Variants in RABGAP1L observed in about 807,000 individuals in gnomAD.
The protein encoded by RABGAP1L is RAB GTPase activating protein 1 like.
A neutral mutation model predicts 137.7 loss-of-function variants in RABGAP1L; 63 were observed. The ratio of observed to expected loss-of-function variants is 0.46; its 90% CI spans 0.37 to 0.56. The LOEUF is 0.56. Among genes scored for constraint, RABGAP1L ranks in the 20% least tolerant of loss-of-function variants. The pLI, the probability that RABGAP1L is intolerant of heterozygous loss-of-function variation, is 0.00. For missense variants in RABGAP1L, 1,095 were observed against 1,244.0 expected (o/e 0.88, Z 1.80); for synonymous variants, 431 against 433.7 (o/e 0.99, Z 0.08).
chr1:174,291,110 A>G (rs1002639484), intron 10 of RABGAP1L, among the ~76,000 whole-genome samples: 1 of 152,148 alleles, frequency 6.6e-6, no homozygotes, highest in African/African-American at 2.4e-5. Context: ...GTCTGCCAAT[A>G]AAGGTAGTTT....
In RABGAP1L at chr1:174,461,561, C is replaced by T. The variant is rs148800325; in HGVS notation, c.1710+67416C>T. Among the ~76,000 whole-genome samples the T allele has an allele frequency of 2.0e-5, 3 of 152,228 alleles. No homozygotes were observed. The East Asian group carries it at 5.8e-4, about 29-fold the overall frequency. On this transcript the variant is annotated intron_variant, in intron 13 of 25. Coordinates refer to ENST00000681986, the MANE Select transcript of RABGAP1L (RefSeq NM_001366446.1). ...TTTGTTGAGCCAAGTACAGAGTGCT[C>T]TCTGTATAGTAAGTCATCTATTTCT...
intron 13 of RABGAP1L, among the ~76,000 whole-genome samples, chr1:174,494,708 T>A (rs943774188): frequency 1.3e-5 from 2 of 152,218 alleles, no homozygotes; most frequent in African/African-American, 4.8e-5. Context: ...TTCTCTCATC[T>A]TCTTATACAT....
chr1:174,613,448 A>T (rs996209548), intron 13 of RABGAP1L, among the ~76,000 whole-genome samples: 10 of 152,074 alleles, frequency 6.6e-5, no homozygotes, highest in African/African-American at 2.4e-4. Flanking sequence ...CTGTTCTTTT[A>T]CATTTGCTGA....
intron 19 of RABGAP1L, among the ~76,000 whole-genome samples, chr1:174,839,909 G>A (rs548848919): frequency 1.6e-4 from 24 of 152,316 alleles, no homozygotes; most frequent in African/African-American, 5.8e-4. Flanking sequence ...ACAAGAGTCG[G>A]ATTTCCAGAA....
intron 18 of RABGAP1L, among the ~76,000 whole-genome samples, chr1:174,803,762 C>T (rs1688977729): frequency 6.6e-6 from 1 of 151,706 alleles, no homozygotes; most frequent in Non-Finnish European, 1.5e-5. Context: ...ATATTTCCAC[C>T]CACCCTACCT....
At chr1:174,391,288 G>T (rs540055312) in intron 12 of RABGAP1L, among the ~76,000 whole-genome samples, 1 of 152,278 alleles carries the variant, frequency 6.6e-6, no homozygotes, top group African/African-American at 2.4e-5. Flanking sequence ...GTGTGATGGA[G>T]AATTGCGCAT....
chr1:174,320,384 C>A (rs1287407918), intron 11 of RABGAP1L, among the ~76,000 whole-genome samples: 1 of 152,084 alleles, frequency 6.6e-6, no homozygotes, highest in African/African-American at 2.4e-5. Flanking sequence ...AGCATAATGC[C>A]TTTTAGATTT....
intron 10 of RABGAP1L, 49 bp downstream of exon 10, chr1:174,278,828 C>T: frequency 7.5e-7 from 1 of 1,324,828 alleles, no homozygotes. Context: ...ATTTTTCTTT[C>T]CACACTTCTT....
At chr1:174,457,941 A>T (rs1656228008) in intron 13 of RABGAP1L, among the ~76,000 whole-genome samples, 1 of 152,202 alleles carries the variant, frequency 6.6e-6, no homozygotes, top group Admixed American at 6.5e-5. Flanking sequence ...CATATGATGT[A>T]GGCCTAATAT....
intron 17 of RABGAP1L, 38 bp from the exon 18 acceptor site, chr1:174,752,275 G>C (rs192730007): frequency 7.7e-6 from 11 of 1,434,684 alleles, no homozygotes; most frequent in Middle Eastern, 1.8e-4. Context: ...AGTGATACAT[G>C]TGGCAGTACT....
intron 19 of RABGAP1L, among the ~76,000 whole-genome samples, chr1:174,925,379 A>AC (rs1662591637): frequency 1.4e-5 from 2 of 142,958 alleles, no homozygotes; most frequent in Non-Finnish European, 3.0e-5. Flanking sequence ...AAAAAAAAAA[A>AC]CAGCAAAAAA....
intron 13 of RABGAP1L, among the ~76,000 whole-genome samples, chr1:174,585,084 A>C (rs1669019940): frequency 6.6e-6 from 1 of 152,204 alleles, no homozygotes; most frequent in Admixed American, 6.5e-5. Context: ...AATAGTTTTT[A>C]ATATAGATTA....
At chr1:174,666,847 ACTTT>A (rs954898605) in intron 14 of RABGAP1L, among the ~76,000 whole-genome samples, 2 of 152,088 alleles carry the variant, frequency 1.3e-5, no homozygotes, top group African/African-American at 4.8e-5. Flanking sequence ...AAAACTAAAA[ACTTT>A]CTTTAATAAT....
chr1:174,178,196 G>T (rs991881034), intron 1 of RABGAP1L, among the ~76,000 whole-genome samples: 2 of 152,030 alleles, frequency 1.3e-5, no homozygotes, highest in African/African-American at 4.8e-5. Flanking sequence ...GGTCCTTCAT[G>T]TCCCTTATAA....
chr1:174,262,892 G>T (rs1423985213), intron 7 of RABGAP1L, among the ~76,000 whole-genome samples: 6 of 152,240 alleles, frequency 3.9e-5, no homozygotes, highest in Admixed American at 2.0e-4. Context: ...GACACTGCAG[G>T]AAGATGGGGT....
At chr1:174,241,263 T>A (rs1359032004) in intron 4 of RABGAP1L, among the ~76,000 whole-genome samples, 1 of 152,024 alleles carries the variant, frequency 6.6e-6, no homozygotes, top group Non-Finnish European at 1.5e-5. Context: ...GAGGTTGCAA[T>A]GAGCCAAGAT....
At chr1:174,580,444 T>C (rs1205593789) in intron 13 of RABGAP1L, among the ~76,000 whole-genome samples, 1 of 152,204 alleles carries the variant, frequency 6.6e-6, no homozygotes, top group Non-Finnish European at 1.5e-5. Context: ...TGGAATACTA[T>C]GCAGCCATAA....
intron 18 of RABGAP1L, among the ~76,000 whole-genome samples, chr1:174,786,459 C>T (rs1653632): frequency 0.41 from 61,625 of 151,992 alleles, 15,397 homozygotes; most frequent in Non-Finnish European, 0.54. Flanking sequence ...AAAATCCAAA[C>T]GGAAGCCAAT....
intron 20 of RABGAP1L, 158 bp downstream of exon 20, chr1:174,957,707 A>G (rs770909564): frequency 1.1e-6 from 1 of 898,146 alleles, no homozygotes; most frequent in East Asian, 2.7e-5. Context: ...ACGAGCCACC[A>G]TTCCCAGCAA....
Sources: gnomAD v4.1 joint callset for allele counts (sites outside exome capture counted in the v4.1 genomes callset) on GRCh38, gnomAD v4.1.1 for gene constraint, MANE v1.5 for transcripts, NCBI Gene and HGNC (gene_info 2026-07-23, HGNC 2026-07-21) for gene names.